USO1: variants seen among roughly 807,000 people sequenced by gnomAD.
The protein encoded by USO1 is general vesicular transport factor p115.
In USO1, 57 loss-of-function variants were observed where a neutral mutation model predicts 124.5. The ratio of observed to expected loss-of-function variants is 0.46; its 90% confidence interval spans 0.37 to 0.57. The LOEUF is 0.57. Ranked by LOEUF, USO1 falls within the 20% of genes least tolerant of loss-of-function variation. USO1 has a pLI of 0.00. For synonymous variants in USO1, 369 were observed against 362.8 expected, an observed-to-expected ratio of 1.02 and a Z score of -0.19; for missense variants, 900 against 1,040.6, an observed-to-expected ratio of 0.86 and a Z score of 1.86.
At chr4:75,771,870 C>T (rs1560448278) in intron 7 of USO1, among the ~76,000 whole-genome samples, 1 of 152,118 alleles carries the variant, frequency 6.6e-6, no homozygotes, top group East Asian at 1.9e-4. Context: ...TTTAAAATAG[C>T]AATTAGAAAA....
In USO1 at chr4:75,763,036, T is replaced by C. The variant is rs147237648; in HGVS notation, c.295+5463T>C. 7.9e-5 allele frequency among the ~76,000 whole-genome samples: 12 copies of C among 152,372 alleles called. No homozygotes were observed. In the East Asian group the frequency reaches 2.1e-3, roughly 27 times the overall value. On this transcript the variant is annotated intron_variant, in intron 4 of 23. Coordinates refer to ENST00000514213, the MANE Select transcript of USO1 (RefSeq NM_003715.4). ...TCTGAGGACTGATTTTATTAGGATATCTCCTTTTATAAAGCAATTTCTTTT... is the reference window on the plus strand; with the variant it reads ...TCTGAGGACTGATTTTATTAGGATACCTCCTTTTATAAAGCAATTTCTTTT...
intron 1 of USO1, among the ~76,000 whole-genome samples, chr4:75,750,808 A>T (rs1721279516): frequency 6.6e-6 from 1 of 152,206 alleles, no homozygotes; most frequent in East Asian, 1.9e-4. Flanking sequence ...TGAATGTGGC[A>T]TCTGAGAAGT....
At position 75,805,287 on chromosome 4, in the gene USO1, C is replaced by G; in HGVS notation, c.2273C>G (p.Ser758Cys). The change falls in exon 19 of 24, where the codon TCT (serine) becomes TGT (cysteine). Residue 758 changes from serine to cysteine, a missense_variant. By Grantham distance (112) the Ser-to-Cys change is moderately radical. Coordinates refer to ENST00000514213, the MANE Select transcript of USO1 (RefSeq NM_003715.4). ...CAAAGCCAGCTGACTGAAAAGGACT[C>G]TATGATTGAAAATATGGTAAAGTAA... ...LLQSQLTEKD[S>C]MIENMKSSQT... The G allele has an allele frequency of 6.2e-7, 1 of 1,601,442 alleles. No homozygotes were observed. The highest frequency in any genetic ancestry group is 8.5e-7 in the Non-Finnish European group (1 of 1,175,620).
At chr4:75,725,010 C>T in intron 1 of USO1, 125 bp downstream of exon 1, 3 of 962,908 alleles carry the variant, frequency 3.1e-6, no homozygotes, top group South Asian at 3.2e-5. Context: ...TGCCGCCTCC[C>T]CCTTTGCCCT....
At chr4:75,799,589 A>G (rs368444822) in intron 13 of USO1, 33 bp from the exon 14 acceptor site, 25 of 1,606,556 alleles carry the variant, frequency 1.6e-5, no homozygotes, top group South Asian at 2.2e-5. Flanking sequence ...TATAAAATGA[A>G]TGGAAAGATT....
At chr4:75,777,789 C>T (rs965551048) in intron 8 of USO1, among the ~76,000 whole-genome samples, 5 of 152,170 alleles carry the variant, frequency 3.3e-5, no homozygotes, top group African/African-American at 1.2e-4. Context: ...GGTGGTTTCT[C>T]ACAAAGCTAA....
chr4:75,810,350 C>CA (rs35397090), intron 21 of USO1, 82 bp from the exon 22 acceptor site: 75 of 1,412,098 alleles, frequency 5.3e-5, no homozygotes, highest in Non-Finnish European at 6.6e-5. Context: ...ATCAAAATGG[C>CA]AAAAAAATTA....
intron 4 of USO1, among the ~76,000 whole-genome samples, chr4:75,761,275 A>G (rs572023909): frequency 6.6e-6 from 1 of 152,230 alleles, no homozygotes; most frequent in Non-Finnish European, 1.5e-5. Context: ...TGCCAAGTGC[A>G]GTGGTGCATG....
In USO1 at chr4:75,805,709, TA is replaced by T. The variant is rs74838987; in HGVS notation, c.2289+423del. 8.8e-3 allele frequency among the ~76,000 whole-genome samples: 1,039 copies of T among 117,638 alleles called. 2 individuals carry two copies. The highest frequency in any genetic ancestry group is 0.016 in the East Asian group (67 of 4,084). The allele number at this position is 117,638 out of a possible 152,430, so 77.2% of individuals were successfully genotyped here. On this transcript the variant is annotated intron_variant, in intron 19 of 23. Transcript: ENST00000514213. ...GTGCGACAGAGGGAGACTTTCCATC[TA>T]AAAAAAAAAAAAAAAAGATTTTACA...
chr4:75,762,494 C>CT (rs1006698146), intron 4 of USO1, among the ~76,000 whole-genome samples: 14 of 148,426 alleles, frequency 9.4e-5, no homozygotes, highest in East Asian at 2.0e-4. Context: ...TTTTTCCTTC[C>CT]TTTTTTTTTT....
At chr4:75,735,004 C>T (rs1720748855) in intron 1 of USO1, among the ~76,000 whole-genome samples, 1 of 152,120 alleles carries the variant, frequency 6.6e-6, no homozygotes, top group Admixed American at 6.5e-5. Flanking sequence ...GCTGGGATTA[C>T]AGACATGAGC....
chr4:75,788,167 A>T (rs868384824), intron 10 of USO1, among the ~76,000 whole-genome samples: 939 of 92,506 alleles, frequency 0.01, 5 homozygotes, highest in African/African-American at 0.023. Context: ...TTATTTATTT[A>T]TTTATTTTTT....
In USO1 at chr4:75,801,101, T is replaced by C. The variant is rs545279521; in HGVS notation, c.1887T>C (p.Tyr629=). The part of the protein sequence containing the change: ...ELEGVITKAI[Y]KSSEEDKKEE... ...TAGGTGTTATAACTAAGGCTATTTA[T>C]AAGTCCAGTGAAGAAGATAAAAAAG... Residue 629 remains tyrosine (Y), a synonymous_variant, in exon 17 of 24, where the codon TAT becomes TAC. Transcript: ENST00000514213. 6.3e-7 allele frequency: 1 copy of C among 1,586,608 alleles called. No homozygotes were observed. The highest frequency in any genetic ancestry group is 8.6e-7 in the Non-Finnish European group (1 of 1,166,806).
At chr4:75,795,446 C>A (rs1212604538) in intron 13 of USO1, 2 of 679,124 alleles carry the variant, frequency 2.9e-6, no homozygotes, top group Non-Finnish European at 5.3e-6. Context: ...TTTTTTTTAA[C>A]TGCTTGTTTG....
intron 1 of USO1, among the ~76,000 whole-genome samples, chr4:75,750,134 T>C (rs1721262955): frequency 6.6e-6 from 1 of 152,152 alleles, no homozygotes; most frequent in Admixed American, 6.6e-5. Context: ...CATAGTGTCT[T>C]TCGAACAGCA....
intron 1 of USO1, among the ~76,000 whole-genome samples, chr4:75,749,885 GGGACTACA>G (rs1721255473): frequency 6.6e-6 from 1 of 151,688 alleles, no homozygotes; most frequent in Non-Finnish European, 1.5e-5. Context: ...CTGAGTAGCT[GGGACTACA>G]GGCACCCGTC....
intron 1 of USO1, among the ~76,000 whole-genome samples, chr4:75,735,125 C>A (rs12508992): frequency 0.35 from 53,505 of 151,850 alleles, 11,602 homozygotes; most frequent in African/African-American, 0.62. Context: ...TTTTATAGTT[C>A]TCTTTGTAGA....
intron 8 of USO1, among the ~76,000 whole-genome samples, chr4:75,775,860 G>C (rs1560449878): frequency 6.6e-6 from 1 of 152,078 alleles, no homozygotes; most frequent in East Asian, 1.9e-4. Context: ...TTGGTTGGTG[G>C]GCCAAGAGAC....
chr4:75,763,762 A>G (rs1311806738), intron 4 of USO1, among the ~76,000 whole-genome samples: 1 of 152,154 alleles, frequency 6.6e-6, no homozygotes, highest in Non-Finnish European at 1.5e-5. Context: ...TTAGCTATAA[A>G]GGTTGTAATC....
Sources: allele counts gnomAD v4.1 joint callset (sites outside exome capture counted in the v4.1 genomes callset), GRCh38; gene constraint gnomAD v4.1.1; transcripts MANE v1.5; gene names NCBI Gene and HGNC (gene_info 2026-07-23, HGNC 2026-07-21).